Variants in GRIK4 observed in about 807,000 individuals in gnomAD.
GRIK4 encodes glutamate ionotropic receptor kainate type subunit 4, also known as glutamate receptor ionotropic, kainate 4.
Under a neutral mutation model 104.9 loss-of-function variants are expected in GRIK4, and 40 were observed. That is an observed-to-expected ratio of 0.38 (90% CI 0.30 to 0.50). The LOEUF is 0.50. Among genes scored for constraint, GRIK4 ranks in the 20% least tolerant of loss-of-function variants. The pLI is 0.93. For missense variants in GRIK4, 1,047 were observed against 1,308.1 expected (o/e 0.80, Z 3.08); for synonymous variants, 485 against 524.9 (o/e 0.92, Z 1.04).
chr11:120,576,208 C>T (rs1948481783), intron 1 of GRIK4, among the ~76,000 whole-genome samples: 1 of 152,072 alleles, frequency 6.6e-6, no homozygotes, highest in Non-Finnish European at 1.5e-5. Flanking sequence ...TTAGTTGATT[C>T]CAGTGGTCGA....
At chr11:120,637,941 G>A (rs190069643) in intron 1 of GRIK4, among the ~76,000 whole-genome samples, 261 of 151,922 alleles carry the variant, frequency 1.7e-3, no homozygotes, top group Non-Finnish European at 2.8e-3. Flanking sequence ...GTGCAATGGC[G>A]TGATCTCGGC....
intron 1 of GRIK4, among the ~76,000 whole-genome samples, chr11:120,606,421 T>C (rs1948963937): frequency 6.6e-6 from 1 of 152,098 alleles, no homozygotes; most frequent in African/African-American, 2.4e-5. Context: ...TAAACATTTG[T>C]GGAAGGAAAG....
chr11:120,913,387 A>G (rs1241708165), intron 13 of GRIK4, among the ~76,000 whole-genome samples: 1 of 151,958 alleles, frequency 6.6e-6, no homozygotes, highest in Non-Finnish European at 1.5e-5. Flanking sequence ...AGAACCAGAC[A>G]GATGACTTCC....
At chr11:120,578,942 G>A (rs1684795583) in intron 1 of GRIK4, among the ~76,000 whole-genome samples, 1 of 152,212 alleles carries the variant, frequency 6.6e-6, no homozygotes, top group Admixed American at 6.5e-5. Flanking sequence ...GAAGTTGCGG[G>A]TTAAGTAGCG....
At chr11:120,833,842 G>T (rs1411445065) in intron 7 of GRIK4, among the ~76,000 whole-genome samples, 3 of 152,036 alleles carry the variant, frequency 2.0e-5, no homozygotes, top group Admixed American at 1.3e-4. Context: ...AAACTTTTCT[G>T]TAAGCGCTTT....
At chr11:120,981,657 T>C (rs1314624289) in intron 19 of GRIK4, among the ~76,000 whole-genome samples, 1 of 152,236 alleles carries the variant, frequency 6.6e-6, no homozygotes, top group Non-Finnish European at 1.5e-5. Flanking sequence ...ACTTTTTCTA[T>C]CCATGGTTTG....
intron 1 of GRIK4, among the ~76,000 whole-genome samples, chr11:120,592,752 C>G (rs1367643142): frequency 6.6e-6 from 1 of 152,152 alleles, no homozygotes; most frequent in Non-Finnish European, 1.5e-5. Context: ...CGCCTGACCT[C>G]CCACCCACAT....
intron 6 of GRIK4, 92 bp downstream of exon 6, chr11:120,820,012 A>C: frequency 4.9e-6 from 6 of 1,226,560 alleles, no homozygotes; most frequent in Non-Finnish European, 7.0e-6. Flanking sequence ...ACCCTCCAGG[A>C]AGGGGAGGCT....
chr11:120,922,290 A>G (rs747300881), intron 13 of GRIK4, among the ~76,000 whole-genome samples: 2 of 152,204 alleles, frequency 1.3e-5, no homozygotes, highest in Non-Finnish European at 2.9e-5. Context: ...AAGTGGTAGA[A>G]TTAGGATTCA....
At chr11:120,713,218 T>A (rs755284811) in intron 3 of GRIK4, among the ~76,000 whole-genome samples, 7 of 152,258 alleles carry the variant, frequency 4.6e-5, no homozygotes, top group Non-Finnish European at 8.8e-5. Context: ...GCTGTATTTC[T>A]TGAATCCAAG....
At chr11:120,955,202 T>C (rs1275095366) in intron 15 of GRIK4, among the ~76,000 whole-genome samples, 1 of 152,212 alleles carries the variant, frequency 6.6e-6, no homozygotes, top group East Asian at 1.9e-4. Flanking sequence ...TTTGAAGTTC[T>C]GCAGATCCCA....
At chr11:120,750,596 T>C (rs1190642751) in intron 3 of GRIK4, among the ~76,000 whole-genome samples, 1 of 152,134 alleles carries the variant, frequency 6.6e-6, no homozygotes, top group African/African-American at 2.4e-5. Context: ...CTCAAACTCC[T>C]GACCTCAAGT....
intron 11 of GRIK4, among the ~76,000 whole-genome samples, chr11:120,879,721 T>G (rs559634610): frequency 9.2e-5 from 14 of 152,344 alleles, no homozygotes; most frequent in Admixed American, 4.6e-4. Context: ...TATTGGCTTA[T>G]GGGCATAGAA....
At chr11:120,958,522 C>T (rs1944217905) in intron 16 of GRIK4, among the ~76,000 whole-genome samples, 1 of 152,248 alleles carries the variant, frequency 6.6e-6, no homozygotes. Flanking sequence ...GAAGACAGGG[C>T]CATCGTGGCC....
At chr11:120,712,193 C>T (rs1212380398) in intron 3 of GRIK4, among the ~76,000 whole-genome samples, 1 of 152,178 alleles carries the variant, frequency 6.6e-6, no homozygotes, top group Non-Finnish European at 1.5e-5. Context: ...CCAGCCTGCC[C>T]TTGGGGGTAG....
chr11:120,593,181 C>CAAAAAAAAAAAA (rs563165078), intron 1 of GRIK4, among the ~76,000 whole-genome samples: 1 of 102,252 alleles, frequency 9.8e-6, no homozygotes, highest in Non-Finnish European at 2.0e-5. Context: ...GACTCTGTCT[C>CAAAAAAAAAAAA]AAAAAAAAAA....
chr11:120,912,852 A>G (rs939575410), intron 13 of GRIK4, among the ~76,000 whole-genome samples: 5 of 152,222 alleles, frequency 3.3e-5, no homozygotes, highest in Non-Finnish European at 7.3e-5. Context: ...TGGCAGTGTC[A>G]GTAAAAGGTA....
chr11:120,774,247 C>T (rs774885981), intron 3 of GRIK4, among the ~76,000 whole-genome samples: 7 of 152,184 alleles, frequency 4.6e-5, no homozygotes, highest in East Asian at 1.9e-4. Flanking sequence ...TAGGAGTTTG[C>T]GAAAGGGAGT....
intron 1 of GRIK4, among the ~76,000 whole-genome samples, chr11:120,586,148 T>G (rs1377706294): frequency 6.6e-6 from 1 of 152,096 alleles, no homozygotes; most frequent in African/African-American, 2.4e-5. Flanking sequence ...GGAGCTGTAG[T>G]TGTAGCAGGA....
Sources: allele counts gnomAD v4.1 joint callset (sites outside exome capture counted in the v4.1 genomes callset), GRCh38; gene constraint gnomAD v4.1.1; transcripts MANE v1.5; gene names NCBI Gene and HGNC (gene_info 2026-07-23, HGNC 2026-07-21).